SLC8A3: variants seen among roughly 807,000 people sequenced by gnomAD.
SLC8A3 encodes the protein solute carrier family 8 member A3.
SLC8A3 carries 37 observed loss-of-function variants against 65.4 expected under a neutral mutation model. The ratio of observed to expected loss-of-function variants is 0.57; its 90% CI spans 0.44 to 0.74. The LOEUF (loss-of-function observed/expected upper bound fraction) is 0.74, where lower values mean the gene tolerates loss of function less well. SLC8A3 is among the 30% of genes least tolerant of loss of function. SLC8A3 has a pLI of 0.00. For missense variants in SLC8A3, 1,112 were observed against 1,172.1 expected (o/e 0.95, Z 0.75); for synonymous variants, 461 against 444.5 (o/e 1.04, Z -0.47).
intron 2 of SLC8A3, among the ~76,000 whole-genome samples, chr14:70,157,093 T>C (rs759504256): frequency 6.6e-6 from 1 of 152,138 alleles, no homozygotes; most frequent in Non-Finnish European, 1.5e-5. Flanking sequence ...GAGTCTATAG[T>C]GAGCTTGATG....
chr14:70,052,251 GC>G (rs1209649585), intron 3 of SLC8A3, 137 bp from the exon 4 acceptor site: 11 of 1,105,240 alleles, frequency 1.0e-5, no homozygotes, highest in Non-Finnish European at 1.2e-5. Flanking sequence ...TATTTTTAGT[GC>G]CTTTTTTATG....
chr14:70,130,226 C>G (rs140685482), intron 2 of SLC8A3, among the ~76,000 whole-genome samples: 49 of 152,370 alleles, frequency 3.2e-4, no homozygotes, highest in Non-Finnish European at 5.9e-4. Flanking sequence ...CCTATGCATG[C>G]ATTTTAGAAG....
chr14:70,138,426 T>G (rs941889878), intron 2 of SLC8A3, among the ~76,000 whole-genome samples: 1 of 152,356 alleles, frequency 6.6e-6, no homozygotes, highest in East Asian at 1.9e-4. Context: ...CCCAACAGAC[T>G]ATAAAGCAGC....
intron 2 of SLC8A3, among the ~76,000 whole-genome samples, chr14:70,104,791 A>G (rs1344516040): frequency 1.3e-5 from 2 of 152,204 alleles, no homozygotes; most frequent in African/African-American, 2.4e-5. Flanking sequence ...TGTGAGATAC[A>G]GCTAAGGCAG....
chr14:70,092,124 A>G (rs923732656), intron 2 of SLC8A3, among the ~76,000 whole-genome samples: 3 of 152,202 alleles, frequency 2.0e-5, no homozygotes, highest in Non-Finnish European at 4.4e-5. Flanking sequence ...TATCCTTAAC[A>G]TCAGGGCTTT....
At chr14:70,111,084 T>C (rs1213685167) in intron 2 of SLC8A3, among the ~76,000 whole-genome samples, 1 of 152,212 alleles carries the variant, frequency 6.6e-6, no homozygotes, top group East Asian at 1.9e-4. Context: ...TTGAGGAACC[T>C]CCAAACTGTT....
At chr14:70,082,960 G>A (rs1891162158) in intron 2 of SLC8A3, among the ~76,000 whole-genome samples, 1 of 152,180 alleles carries the variant, frequency 6.6e-6, no homozygotes, top group Non-Finnish European at 1.5e-5. Context: ...TTTTCCTGGG[G>A]TCAAGGAGGG....
intron 2 of SLC8A3, among the ~76,000 whole-genome samples, chr14:70,145,812 T>A (rs1267391163): frequency 2.0e-5 from 3 of 152,156 alleles, no homozygotes; most frequent in African/African-American, 7.2e-5. Context: ...CAGCTGTTGC[T>A]GTTGTGGACT....
chr14:70,083,881 C>T (rs61977422), intron 2 of SLC8A3, among the ~76,000 whole-genome samples: 11,523 of 151,724 alleles, frequency 0.076, 519 homozygotes, highest in Non-Finnish European at 0.11. Flanking sequence ...CTGGACATTC[C>T]GGAGGCAAAA....
chr14:70,088,653 C>T (rs1340748220), intron 2 of SLC8A3, among the ~76,000 whole-genome samples: 1 of 152,178 alleles, frequency 6.6e-6, no homozygotes, highest in Admixed American at 6.5e-5. Flanking sequence ...TACCCATCCA[C>T]TCTCAAGTCT....
At position 70,148,485 on chromosome 14, in the gene SLC8A3, T is replaced by G. The variant is rs141024365; in HGVS notation, c.1784+18154A>C. Reference sequence around the variant, plus strand: ...GACATTTAGATACAATGACTAAGGTTTTAGCCCTAACACAAAGGAAGTCTC... The same window carrying G: ...GACATTTAGATACAATGACTAAGGTGTTAGCCCTAACACAAAGGAAGTCTC... On this transcript the variant is annotated intron_variant, in intron 2 of 6. Coordinates refer to ENST00000356921, the MANE Select transcript of SLC8A3 (RefSeq NM_182932.3). Among the ~76,000 whole-genome samples the G allele has an allele frequency of 1.2e-3, 176 of 152,232 alleles. 1 individual carries two copies. Among genetic ancestry groups the G allele is most frequent in the Middle Eastern group, 6.8e-3 (2 of 294 alleles).
intron 2 of SLC8A3, among the ~76,000 whole-genome samples, chr14:70,074,127 G>A (rs1890264205): frequency 6.6e-6 from 1 of 152,234 alleles, no homozygotes; most frequent in Admixed American, 6.5e-5. Context: ...AAGCCAATGA[G>A]AATGCTGCCC....
chr14:70,075,355 C>T (rs1022594228), intron 2 of SLC8A3, among the ~76,000 whole-genome samples: 3 of 152,178 alleles, frequency 2.0e-5, no homozygotes, highest in African/African-American at 7.2e-5. Context: ...TCAGCTCCCA[C>T]GTGCCTGCCC....
At chr14:70,123,772 GA>G (rs2140193805) in intron 2 of SLC8A3, among the ~76,000 whole-genome samples, 1 of 152,158 alleles carries the variant, frequency 6.6e-6, no homozygotes, top group African/African-American at 2.4e-5. Flanking sequence ...TTTTATAATG[GA>G]AATAAGATAA....
chr14:70,049,139 T>C lies in SLC8A3; in HGVS notation c.2114-97A>G, dbSNP rs181886276. The stretch of plus-strand genomic sequence containing the variant: ...AACCCGCACCACAGGCATCATCCGC[T>C]AGAAGGGGACTCCAGCTGTCTTCTG... On this transcript the variant is annotated intron_variant, in intron 5 of 6. Transcript: ENST00000356921. 21 of 1,213,902 alleles carry C rather than the reference T, an allele frequency of 1.7e-5. No homozygotes were observed. In the East Asian group the frequency reaches 1.9e-4, roughly 11 times the overall value. 75.2% of individuals were successfully genotyped at this position (1,213,902 alleles called of 1,614,324 possible). A position where few individuals can be genotyped will look rare whatever the true frequency, so the allele number is the denominator to read the frequency against.
At chr14:70,150,979 G>A (rs1405940688) in intron 2 of SLC8A3, among the ~76,000 whole-genome samples, 1 of 152,200 alleles carries the variant, frequency 6.6e-6, no homozygotes, top group Non-Finnish European at 1.5e-5. Flanking sequence ...ATCTGGCCAG[G>A]CGCGGTAGCT....
chr14:70,171,660 C>T (rs987386496), intron 1 of SLC8A3, among the ~76,000 whole-genome samples: 3 of 152,134 alleles, frequency 2.0e-5, no homozygotes, highest in South Asian at 2.1e-4. Flanking sequence ...ATTAGCTGGG[C>T]GTGGTGGTGC....
intron 2 of SLC8A3, among the ~76,000 whole-genome samples, chr14:70,061,647 G>T (rs1357958682): frequency 3.3e-5 from 5 of 151,994 alleles, no homozygotes; most frequent in African/African-American, 1.2e-4. Flanking sequence ...TTCAGTGGTG[G>T]GAACTAAAAT....
intron 2 of SLC8A3, among the ~76,000 whole-genome samples, chr14:70,114,913 C>T (rs1271129475): frequency 1.3e-5 from 2 of 152,140 alleles, no homozygotes; most frequent in African/African-American, 4.8e-5. Context: ...CTCTTCCTCT[C>T]CCGTGACCAG....
Sources: gnomAD v4.1 joint callset for allele counts (sites outside exome capture counted in the v4.1 genomes callset) on GRCh38, gnomAD v4.1.1 for gene constraint, MANE v1.5 for transcripts, NCBI Gene and HGNC (gene_info 2026-07-23, HGNC 2026-07-21) for gene names.